Variants in CHL1 observed in about 807,000 individuals in gnomAD.
CHL1 encodes the protein cell adhesion molecule L1 like, also known as neural cell adhesion molecule L1-like protein.
CHL1 carries 96 observed loss-of-function variants against 141.9 expected under a neutral mutation model. That is an observed-to-expected ratio of 0.68 (90% confidence interval 0.57 to 0.80). The LOEUF is 0.80. Ranked by LOEUF, CHL1 falls within the 30% of genes least tolerant of loss-of-function variation. CHL1 has a pLI of 0.00. For synonymous variants in CHL1, 613 were observed against 502.2 expected (o/e 1.22, Z -2.95); for missense variants, 1,820 against 1,457.2 (o/e 1.25, Z -4.05).
At chr3:316,999 T>C (rs1168554509) in intron 2 of CHL1, among the ~76,000 whole-genome samples, 1 of 152,028 alleles carries the variant, frequency 6.6e-6, no homozygotes, top group East Asian at 1.9e-4. Flanking sequence ...TAAGACTGAC[T>C]TTCCGTTTTC....
chr3:382,394 TTTAATA>T, intron 17 of CHL1, 74 bp from the exon 18 acceptor site: 1 of 1,479,404 alleles, frequency 6.8e-7, no homozygotes, highest in Non-Finnish European at 9.4e-7. Context: ...CTTTTGAACT[TTTAATA>T]TTGAGTATAA....
chr3:373,940 G>C lies in CHL1; in HGVS notation c.1752-3878G>C, dbSNP rs79725122. 3.8e-3 allele frequency: 574 copies of C among 152,492 alleles called. 8 individuals are homozygous for C. Among genetic ancestry groups the C allele is most frequent in the East Asian group, 0.027 (139 of 5,148 alleles). 9.4% of individuals were successfully genotyped at this position (152,492 alleles called of 1,614,324 possible). A position where few individuals can be genotyped will look rare whatever the true frequency, so the allele number is the denominator to read the frequency against. ...CCAGCCTCCTAGTCAGTTCTTCTAA[G>C]AGAAACCTGGATACCTTGGTTGCCA... On this transcript the variant is annotated intron_variant, in intron 15 of 27. Transcript: ENST00000256509.
At chr3:203,829 T>C (rs185394814) in intron 1 of CHL1, among the ~76,000 whole-genome samples, 15 of 152,326 alleles carry the variant, frequency 9.8e-5, no homozygotes, top group African/African-American at 3.1e-4. Flanking sequence ...TGGAGGTCAG[T>C]TCTCCCAGAG....
At chr3:320,127 C>G (rs371883838) in intron 3 of CHL1, among the ~76,000 whole-genome samples, 2 of 151,976 alleles carry the variant, frequency 1.3e-5, no homozygotes, top group Admixed American at 1.3e-4. Flanking sequence ...TATAGATAAG[C>G]TAGTATTTTT....
At chr3:345,699 G>T (rs1393890439) in intron 9 of CHL1, among the ~76,000 whole-genome samples, 1 of 152,034 alleles carries the variant, frequency 6.6e-6, no homozygotes, top group East Asian at 1.9e-4. Flanking sequence ...TAGCCAGGAA[G>T]GTCTCGATCT....
At chr3:327,572 A>G (rs1318417278) in intron 4 of CHL1, among the ~76,000 whole-genome samples, 2 of 152,024 alleles carry the variant, frequency 1.3e-5, no homozygotes, top group Non-Finnish European at 2.9e-5. Context: ...TGTTTCTCAC[A>G]ATATTGTTCA....
At chr3:365,841 T>G in intron 14 of CHL1, 109 bp from the exon 15 acceptor site, 8 of 717,208 alleles carry the variant, frequency 1.1e-5, no homozygotes, top group Non-Finnish European at 1.8e-5. Flanking sequence ...AAACCCTGCA[T>G]GAGGATTGGA....
intron 1 of CHL1, among the ~76,000 whole-genome samples, chr3:212,485 CACCTGCA>C (rs1294357577): frequency 6.6e-6 from 1 of 152,190 alleles, no homozygotes; most frequent in African/African-American, 2.4e-5. Context: ...AATCACTAGA[CACCTGCA>C]ACCTTTCCTT....
chr3:258,862 A>C (rs748753237), intron 2 of CHL1, among the ~76,000 whole-genome samples: 4 of 148,132 alleles, frequency 2.7e-5, no homozygotes, highest in Non-Finnish European at 4.4e-5. Context: ...TTATTAACTA[A>C]GTCCCCTTTT....
intron 2 of CHL1, among the ~76,000 whole-genome samples, chr3:311,593 C>T (rs1413403079): frequency 3.3e-5 from 5 of 152,116 alleles, no homozygotes; most frequent in African/African-American, 1.2e-4. Flanking sequence ...AGAGATAGCA[C>T]CTTGGTTGTA....
chr3:379,472 C>T (rs867728381), intron 16 of CHL1, among the ~76,000 whole-genome samples: 1 of 152,036 alleles, frequency 6.6e-6, no homozygotes, highest in Non-Finnish European at 1.5e-5. Flanking sequence ...ATAAAGTAGT[C>T]GAGCTTCAGA....
At chr3:269,473 C>T (rs1382180042) in intron 2 of CHL1, among the ~76,000 whole-genome samples, 1 of 152,078 alleles carries the variant, frequency 6.6e-6, no homozygotes. Flanking sequence ...ACATTCTCGC[C>T]TTTCAGCCCA....
chr3:264,137 T>C (rs887447878), intron 2 of CHL1, among the ~76,000 whole-genome samples: 2 of 152,224 alleles, frequency 1.3e-5, no homozygotes, highest in Admixed American at 1.3e-4. Context: ...TTAAATGAGT[T>C]GAAGGAGTCT....
intron 8 of CHL1, 38 bp downstream of exon 8, chr3:343,069 T>C (rs1702466593): frequency 5.3e-6 from 8 of 1,506,778 alleles, no homozygotes; most frequent in African/African-American, 2.8e-5. Context: ...CATTTGTGTA[T>C]AGCTCATTGT....
intron 9 of CHL1, among the ~76,000 whole-genome samples, chr3:345,955 G>T (rs968846175): frequency 6.6e-6 from 1 of 152,046 alleles, no homozygotes; most frequent in African/African-American, 2.4e-5. Context: ...CCGAACTTAC[G>T]GTCCTTCCCT....
chr3:263,515 CTT>C (rs1346861269), intron 2 of CHL1, among the ~76,000 whole-genome samples: 2 of 152,180 alleles, frequency 1.3e-5, no homozygotes, highest in African/African-American at 4.8e-5. Context: ...TTACTGGAAA[CTT>C]ACAGTGATGA....
chr3:344,736 C>T, intron 9 of CHL1, 27 bp downstream of exon 9: 1 of 1,610,284 alleles, frequency 6.2e-7, no homozygotes. Flanking sequence ...TCACTCATGA[C>T]TTTGTCCATC....
chr3:278,132 A>G (rs1049220058), intron 2 of CHL1, among the ~76,000 whole-genome samples: 1 of 152,224 alleles, frequency 6.6e-6, no homozygotes, highest in Admixed American at 6.5e-5. Context: ...AGAATACTGA[A>G]TACTTTCTTC....
At chr3:361,182 A>C (rs779634920) in intron 12 of CHL1, among the ~76,000 whole-genome samples, 3 of 151,536 alleles carry the variant, frequency 2.0e-5, no homozygotes, top group Non-Finnish European at 4.4e-5. Flanking sequence ...AGAAAGCTGA[A>C]ACTGGATCCC....
Sources: gnomAD v4.1 joint callset for allele counts (sites outside exome capture counted in the v4.1 genomes callset) on GRCh38, gnomAD v4.1.1 for gene constraint, MANE v1.5 for transcripts, NCBI Gene and HGNC (gene_info 2026-07-23, HGNC 2026-07-21) for gene names.